The following SGIP1 variants were observed in gnomAD, a reference collection of about 807,000 sequenced individuals.
SGIP1 encodes SH3GL interacting endocytic adaptor 1.
In SGIP1, 38 loss-of-function variants were observed where a neutral mutation model predicts 107.5. The ratio of observed to expected loss-of-function variants is 0.35; its 90% confidence interval spans 0.27 to 0.46. The LOEUF (loss-of-function observed/expected upper bound fraction) is 0.46. SGIP1 is among the 20% of genes least tolerant of loss of function. The pLI is 1.00. For synonymous variants in SGIP1, 365 were observed against 366.1 expected, an observed-to-expected ratio of 1.00 and a Z score of 0.03; for missense variants, 929 against 1,019.5, an observed-to-expected ratio of 0.91 and a Z score of 1.21.
intron 1 of SGIP1, among the ~76,000 whole-genome samples, chr1:66,562,754 G>T (rs1350758869): frequency 6.6e-6 from 1 of 152,062 alleles, no homozygotes; most frequent in Non-Finnish European, 1.5e-5. Flanking sequence ...ACAAAAGGAA[G>T]TTGGAAAATT....
intron 1 of SGIP1, 121 bp downstream of exon 1, chr1:66,534,489 G>A: frequency 1.8e-6 from 2 of 1,114,068 alleles, no homozygotes; most frequent in Non-Finnish European, 2.7e-6. Context: ...TGTTTTGCAA[G>A]CAGAAATGCT....
intron 21 of SGIP1, among the ~76,000 whole-genome samples, chr1:66,735,928 T>C (rs919004274): frequency 6.6e-6 from 1 of 151,834 alleles, no homozygotes; most frequent in Non-Finnish European, 1.5e-5. Flanking sequence ...TGCATTATAA[T>C]TTTTTATTAA....
intron 11 of SGIP1, among the ~76,000 whole-genome samples, chr1:66,672,582 T>C (rs1041627220): frequency 1.3e-5 from 2 of 152,178 alleles, no homozygotes; most frequent in African/African-American, 2.4e-5. Flanking sequence ...CCCGTTACCA[T>C]ACCACATAGA....
intron 1 of SGIP1, among the ~76,000 whole-genome samples, chr1:66,564,359 G>A (rs1189912886): frequency 6.6e-6 from 1 of 151,792 alleles, no homozygotes; most frequent in African/African-American, 2.4e-5. Context: ...TGCCTCATCT[G>A]GAACTAAGAT....
rs1197339481 is a variant in SGIP1 at position 66,750,036 on chromosome 1, G to GGTGTGT, written c.*6968_*6973dup. Among the ~76,000 whole-genome samples, 59 of 119,172 alleles carry GGTGTGT rather than the reference G, an allele frequency of 5.0e-4. No homozygotes were observed. The highest frequency in any genetic ancestry group is 2.2e-3 in the East Asian group (9 of 4,098). The allele number at this position is 119,172 out of a possible 152,430, so 78.2% of individuals were successfully genotyped here. A position where few individuals can be genotyped will look rare whatever the true frequency, so the allele number is the denominator to read the frequency against. ...CTCTCTTTCTCTGTGTGTGTGTGGG[G>GGTGTGT]GTGTGTGTGTGTGTGTGTGTGTGTG... On this transcript the variant is annotated 3_prime_UTR_variant, in exon 25 of 25. Coordinates refer to ENST00000371037, the MANE Select transcript of SGIP1 (RefSeq NM_032291.4).
At chr1:66,563,003 C>T (rs2059167979) in intron 1 of SGIP1, among the ~76,000 whole-genome samples, 1 of 151,926 alleles carries the variant, frequency 6.6e-6, no homozygotes, top group Non-Finnish European at 1.5e-5. Flanking sequence ...TACTCACACT[C>T]TCTTGCATGT....
At chr1:66,664,517 C>T (rs1400216635) in intron 8 of SGIP1, among the ~76,000 whole-genome samples, 1 of 152,094 alleles carries the variant, frequency 6.6e-6, no homozygotes, top group Non-Finnish European at 1.5e-5. Context: ...AATGAGAAAT[C>T]AGGGATCTGA....
intron 1 of SGIP1, among the ~76,000 whole-genome samples, chr1:66,543,089 A>G (rs1273278131): frequency 6.6e-6 from 1 of 152,234 alleles, no homozygotes; most frequent in East Asian, 1.9e-4. Flanking sequence ...ATCAACTTGA[A>G]GAAGGCCACC....
chr1:66,580,920 AC>A (rs1256831148), intron 1 of SGIP1, among the ~76,000 whole-genome samples: 2 of 152,094 alleles, frequency 1.3e-5, no homozygotes, highest in African/African-American at 4.8e-5. Flanking sequence ...GTAACTAACA[AC>A]CAGCTGTTTC....
chr1:66,636,655 T>A (rs2075834788), intron 4 of SGIP1, among the ~76,000 whole-genome samples: 1 of 152,238 alleles, frequency 6.6e-6, no homozygotes, highest in Non-Finnish European at 1.5e-5. Flanking sequence ...CAGATATTTC[T>A]ATTGGGCCGT....
At chr1:66,689,064 A>AAT in intron 15 of SGIP1, 84 bp from the exon 16 acceptor site, 1 of 1,325,110 alleles carries the variant, frequency 7.5e-7, no homozygotes, top group Non-Finnish European at 1.0e-6. Flanking sequence ...AAAAAAAAAA[A>AAT]TGTCCGGGAC....
intron 15 of SGIP1, among the ~76,000 whole-genome samples, chr1:66,686,834 T>A (rs2088453167): frequency 6.6e-6 from 1 of 152,234 alleles, no homozygotes; most frequent in African/African-American, 2.4e-5. Context: ...TTTTGACTTG[T>A]TAGTTGTATT....
At chr1:66,718,521 T>C (rs2093365262) in intron 18 of SGIP1, among the ~76,000 whole-genome samples, 2 of 152,078 alleles carry the variant, frequency 1.3e-5, no homozygotes, top group African/African-American at 2.4e-5. Flanking sequence ...ACATGGAGCT[T>C]CTGTTTCCTC....
intron 1 of SGIP1, among the ~76,000 whole-genome samples, chr1:66,589,084 G>A (rs1570145891): frequency 1.4e-5 from 2 of 146,550 alleles, no homozygotes; most frequent in East Asian, 2.0e-4. Flanking sequence ...ATTCTGTTTA[G>A]CATCTGAATA....
chr1:66,595,882 A>C (rs1033081781), intron 1 of SGIP1, among the ~76,000 whole-genome samples: 34 of 152,190 alleles, frequency 2.2e-4, no homozygotes, highest in Non-Finnish European at 2.9e-5. Flanking sequence ...AATTAGAGAG[A>C]TGGAAGAGAG....
chr1:66,632,998 A>G (rs1455813406), intron 2 of SGIP1, 72 bp from the exon 3 acceptor site: 1 of 950,536 alleles, frequency 1.1e-6, no homozygotes, highest in African/African-American at 1.6e-5. Context: ...ATTGGTTCTT[A>G]CTGTTGTACT....
chr1:66,625,964 T>TC (rs1402028734), intron 2 of SGIP1, 54 bp downstream of exon 2: 10 of 1,432,016 alleles, frequency 7.0e-6, no homozygotes, highest in Non-Finnish European at 8.8e-6. Flanking sequence ...TAAGAGATGC[T>TC]CTTATCACAG....
At chr1:66,695,161 C>A in intron 17 of SGIP1, 1 of 584,580 alleles carries the variant, frequency 1.7e-6, no homozygotes, top group Non-Finnish European at 2.8e-6. Context: ...GACTTCTGCT[C>A]CATGCACACA....
Position 66,682,051 on chromosome 1 carries a change from G to C in SGIP1, c.997G>C (p.Val333Leu). 7 of 1,614,192 alleles carry C rather than the reference G, an allele frequency of 4.3e-6. No individual in the cohort carries two copies. The highest frequency in any genetic ancestry group is 5.9e-6 in the Non-Finnish European group (7 of 1,180,030). The change falls in exon 15 of 25, where the codon GTG becomes CTG. Residue 333 changes from valine (V) to leucine (L), a missense_variant. Val to Leu is a conservative substitution (Grantham distance 32, BLOSUM62 1). Around this residue, in one of 2 missense-constraint regions of SGIP1, gnomAD observed 588 missense variants for 588.6 expected, o/e 1.00. Coordinates refer to ENST00000371037, the MANE Select transcript of SGIP1 (RefSeq NM_032291.4). ...TCCGGAGTTGACTCCAAGGGAAAAA[G>C]TGGTGTCCCCACCAGCTACACCAGA... ...VTPELTPREKVVSPPATPDNP... is the reference protein window; with the variant it reads ...VTPELTPREKLVSPPATPDNP...
Sources: gnomAD v4.1 joint callset for allele counts (sites outside exome capture counted in the v4.1 genomes callset) on GRCh38, gnomAD v4.1.1 for gene constraint, gnomAD v4.1.1 regional missense constraint, MANE v1.5 for transcripts, NCBI Gene and HGNC (gene_info 2026-07-23, HGNC 2026-07-21) for gene names.